SRBD1: variants seen among roughly 807,000 people sequenced by gnomAD.
The protein encoded by SRBD1 is S1 RNA-binding domain-containing protein 1.
Under a neutral mutation model 115.3 loss-of-function variants are expected in SRBD1, and 88 were observed. The ratio of observed to expected loss-of-function variants is 0.76; its 90% CI spans 0.64 to 0.91. The LOEUF (loss-of-function observed/expected upper bound fraction) is 0.91. SRBD1 is among the 40% of genes least tolerant of loss of function. SRBD1 has a pLI of 0.00. For missense variants in SRBD1, 1,385 were observed against 1,177.4 expected (o/e 1.18, Z -2.58); for synonymous variants, 509 against 407.7 (o/e 1.25, Z -2.99).
intron 16 of SRBD1, among the ~76,000 whole-genome samples, chr2:45,466,341 T>C (rs1185683667): frequency 1.3e-5 from 2 of 152,154 alleles, no homozygotes; most frequent in Non-Finnish European, 2.9e-5. Context: ...CCTGGAGGCA[T>C]CCTGTGGATG....
intron 10 of SRBD1, among the ~76,000 whole-genome samples, chr2:45,557,188 G>A (rs894083443): frequency 6.6e-6 from 1 of 152,144 alleles, no homozygotes; most frequent in Non-Finnish European, 1.5e-5. Context: ...TAGAAAATGT[G>A]GCAGTGGCTG....
intron 4 of SRBD1, among the ~76,000 whole-genome samples, chr2:45,586,621 A>T (rs909519013): frequency 6.6e-6 from 1 of 151,892 alleles, no homozygotes. Context: ...CTGTGATTCA[A>T]TGCAACCTTG....
At chr2:45,529,709 G>A (rs867100807) in intron 14 of SRBD1, among the ~76,000 whole-genome samples, 6 of 151,968 alleles carry the variant, frequency 3.9e-5, no homozygotes, top group Non-Finnish European at 8.8e-5. Context: ...GGAGAGAAGA[G>A]AAGAAAGAAA....
intron 14 of SRBD1, among the ~76,000 whole-genome samples, chr2:45,520,433 C>A (rs1216505303): frequency 6.6e-6 from 1 of 152,188 alleles, no homozygotes; most frequent in Non-Finnish European, 1.5e-5. Context: ...GTTACAAGAT[C>A]CCTGAATTTG....
chr2:45,586,907 T>C (rs1158164149), intron 4 of SRBD1, among the ~76,000 whole-genome samples: 1 of 58,708 alleles, frequency 1.7e-5, no homozygotes, highest in Admixed American at 1.5e-4. Context: ...ATTGGTATTT[T>C]AAATATTTAA....
At chr2:45,459,875 A>G (rs1372290460) in intron 16 of SRBD1, among the ~76,000 whole-genome samples, 3 of 152,072 alleles carry the variant, frequency 2.0e-5, no homozygotes, top group African/African-American at 7.2e-5. Context: ...TGCCAGTGAA[A>G]ATGTTTCTGA....
intron 20 of SRBD1, among the ~76,000 whole-genome samples, 174 bp from the exon 21 acceptor site, chr2:45,389,773 T>C (rs1666947413): frequency 1.3e-5 from 2 of 152,312 alleles, no homozygotes; most frequent in Middle Eastern, 3.4e-3. Context: ...TGCATATCAG[T>C]TGGAGACAGC....
At chr2:45,474,775 T>C (rs1669755943) in intron 16 of SRBD1, among the ~76,000 whole-genome samples, 1 of 152,220 alleles carries the variant, frequency 6.6e-6, no homozygotes, top group African/African-American at 2.4e-5. Context: ...CTGTCAGGAA[T>C]TCCTGAGATT....
chr2:45,420,021 C>A, intron 16 of SRBD1, 127 bp from the exon 17 acceptor site: 2 of 807,814 alleles, frequency 2.5e-6, no homozygotes, highest in Non-Finnish European at 4.0e-6. Context: ...TCCTCTTAGA[C>A]ACACTGTTAG....
intron 14 of SRBD1, among the ~76,000 whole-genome samples, chr2:45,497,949 G>A (rs770952678): frequency 2.8e-4 from 42 of 151,978 alleles, no homozygotes; most frequent in Non-Finnish European, 3.8e-4. Flanking sequence ...CAGGAGAATC[G>A]CTTGAGATCG....
chr2:45,547,385 C>T (rs1572760315), intron 13 of SRBD1, 137 bp downstream of exon 13: 3 of 675,502 alleles, frequency 4.4e-6, no homozygotes, highest in East Asian at 2.8e-5. Context: ...CAGCAATTTG[C>T]CCCAGAACTG....
chr2:45,501,725 G>A (rs573471271), intron 14 of SRBD1, among the ~76,000 whole-genome samples: 18 of 152,290 alleles, frequency 1.2e-4, no homozygotes, highest in South Asian at 2.1e-4. Flanking sequence ...ACTGCAAAGC[G>A]GCAGCAAGGC....
rs1572827178 is a variant in SRBD1 at position 45,599,838 on chromosome 2, A to G, written c.262-3T>C. The G allele has an allele frequency of 1.9e-6, 3 of 1,600,948 alleles. No homozygotes were observed. Among genetic ancestry groups the G allele is most frequent in the African/African-American group, 1.3e-5 (1 of 74,074 alleles). On this transcript the variant is annotated splice_region_variant and splice_polypyrimidine_tract_variant and intron_variant, in intron 3 of 20. Coordinates refer to ENST00000263736, the MANE Select transcript of SRBD1 (RefSeq NM_018079.5). Reference sequence around the variant, plus strand: ...TCAGCAATAGCCACAGAGCTATTCTATCAAACCACAAAGAGAACATATGAG... The same window carrying G: ...TCAGCAATAGCCACAGAGCTATTCTGTCAAACCACAAAGAGAACATATGAG...
At chr2:45,400,458 T>C (rs532812767) in intron 19 of SRBD1, among the ~76,000 whole-genome samples, 35 of 152,238 alleles carry the variant, frequency 2.3e-4, no homozygotes, top group African/African-American at 9.6e-5. Context: ...TGGGTACTAA[T>C]AGGTTGCTCC....
intron 14 of SRBD1, among the ~76,000 whole-genome samples, chr2:45,525,618 GCAGATAGACGTTAATTAGCTC>G (rs1316538487): frequency 6.6e-6 from 1 of 151,956 alleles, no homozygotes; most frequent in Non-Finnish European, 1.5e-5. Flanking sequence ...GTGGGGTAAT[GCAGATAGACGTTAATTAGCTC>G]CATTTAGTCA....
chr2:45,405,411 C>A (rs1287474992), intron 19 of SRBD1, among the ~76,000 whole-genome samples: 4 of 152,022 alleles, frequency 2.6e-5, no homozygotes, highest in South Asian at 2.1e-4. Context: ...GGGGGTGGTA[C>A]AAGTTTCAAT....
chr2:45,464,997 T>TTG (rs1669437261), intron 16 of SRBD1, among the ~76,000 whole-genome samples: 1 of 132,206 alleles, frequency 7.6e-6, no homozygotes, highest in Non-Finnish European at 1.6e-5. Flanking sequence ...ATGGTTGAGA[T>TTG]TGTACACACA....
chr2:45,388,746 T>C lies in SRBD1; in HGVS notation c.*564A>G, dbSNP rs1436697271. ...TCCTTTTGAGAAGTGTTTCGAGCCATTCATTTGATAACTACAAACACGTCA... is the reference window on the plus strand; with the variant it reads ...TCCTTTTGAGAAGTGTTTCGAGCCACTCATTTGATAACTACAAACACGTCA... On this transcript the variant is annotated 3_prime_UTR_variant, in exon 21 of 21. Transcript: ENST00000263736. 4 of 152,724 alleles carry C rather than the reference T, an allele frequency of 2.6e-5. No homozygotes were observed. Among genetic ancestry groups the C allele is most frequent in the African/African-American group, 4.8e-5 (2 of 41,470 alleles). The allele number at this position is 152,724 out of a possible 1,614,324, so 9.5% of individuals were successfully genotyped here. A position where few individuals can be genotyped will look rare whatever the true frequency, so the allele number is the denominator to read the frequency against.
intron 19 of SRBD1, among the ~76,000 whole-genome samples, chr2:45,398,101 A>G (rs907191298): frequency 1.3e-5 from 2 of 152,228 alleles, no homozygotes; most frequent in African/African-American, 4.8e-5. Flanking sequence ...TTCTTAGCAT[A>G]ATAATCAACC....
Sources: allele counts gnomAD v4.1 joint callset (sites outside exome capture counted in the v4.1 genomes callset), GRCh38; gene constraint gnomAD v4.1.1; transcripts MANE v1.5; gene names NCBI Gene and HGNC (gene_info 2026-07-23, HGNC 2026-07-21).